The following IFT25 variants were observed in gnomAD, a reference collection of about 807,000 sequenced individuals.
The protein encoded by IFT25 is intraflagellar transport 25.
At chr1:53,937,281 T>G in the IFT25 span, among the ~76,000 whole-genome samples, 1 of 151,966 alleles carries the variant, frequency 6.6e-6, no homozygotes, top group African/African-American at 2.4e-5. Flanking sequence ...CACAACTGAC[T>G]AATTTTTTGG....
the IFT25 span, among the ~76,000 whole-genome samples, chr1:53,936,777 C>T: frequency 2.0e-5 from 3 of 147,218 alleles, no homozygotes; most frequent in African/African-American, 7.7e-5. Context: ...TTTTACTTTG[C>T]TTTTTTTTTT....
the IFT25 span, among the ~76,000 whole-genome samples, chr1:53,922,646 A>G: frequency 6.6e-6 from 1 of 152,226 alleles, no homozygotes; most frequent in East Asian, 1.9e-4. Context: ...CAGTAGCAGG[A>G]ATATGCATAG....
the IFT25 span, chr1:53,917,033 C>T: frequency 9.2e-6 from 2 of 217,882 alleles, no homozygotes; most frequent in Non-Finnish European, 9.0e-6. Context: ...AATCCCAGCT[C>T]CTAGGGAGGC....
chr1:53,936,998 GT>G, the IFT25 span, among the ~76,000 whole-genome samples: 1 of 152,140 alleles, frequency 6.6e-6, no homozygotes, highest in Non-Finnish European at 1.5e-5. Context: ...GGAATGGAGA[GT>G]TTGGAACAGG....
the IFT25 span, chr1:53,928,992 TCTAAACTGGTTTTTCTCCACTGCTCCAG>T: frequency 6.5e-6 from 1 of 153,146 alleles, no homozygotes; most frequent in East Asian, 1.9e-4. Context: ...TCATCTTCCT[TCTAAACTGGTTTTTCTCCACTGCTCCAG>T]TCCAGTCTCT....
the IFT25 span, among the ~76,000 whole-genome samples, chr1:53,943,981 G>T: frequency 8.9e-3 from 1,359 of 152,220 alleles, 23 homozygotes; most frequent in African/African-American, 0.03. Context: ...AGATGAATAG[G>T]AAAGAATGTA....
At chr1:53,940,044 G>A in the IFT25 span, 199 of 1,611,128 alleles carry the variant, frequency 1.2e-4, 2 homozygotes, top group East Asian at 3.6e-3. Context: ...AAATCACTTC[G>A]GACCCTTCAG....
the IFT25 span, among the ~76,000 whole-genome samples, chr1:53,919,388 CT>C: frequency 6.6e-6 from 1 of 152,210 alleles, no homozygotes; most frequent in African/African-American, 2.4e-5. Context: ...GGTTAGCCCC[CT>C]GGAGGACAAG....
the IFT25 span, among the ~76,000 whole-genome samples, chr1:53,937,359 T>G: frequency 6.6e-6 from 1 of 152,198 alleles, no homozygotes; most frequent in Non-Finnish European, 1.5e-5. Flanking sequence ...CCTCAACTGA[T>G]CTGCCCGCCT....
At chr1:53,945,701 A>C in the IFT25 span, 1 of 149,770 alleles carries the variant, frequency 6.7e-6, no homozygotes, top group Non-Finnish European at 1.5e-5. Context: ...TCCAACTCTG[A>C]AATCTTCGCG....
chr1:53,933,197 C>A, the IFT25 span, among the ~76,000 whole-genome samples: 1 of 148,900 alleles, frequency 6.7e-6, no homozygotes, highest in East Asian at 2.0e-4. Flanking sequence ...GCGCAGTGCA[C>A]AATCTTGGCT....
At chr1:53,927,158 T>C in the IFT25 span, among the ~76,000 whole-genome samples, 1 of 152,258 alleles carries the variant, frequency 6.6e-6, no homozygotes, top group Non-Finnish European at 1.5e-5. Flanking sequence ...TCTTCATTAA[T>C]GTCTTGTGAT....
the IFT25 span, chr1:53,916,848 T>C: frequency 2.5e-6 from 1 of 396,914 alleles, no homozygotes. Flanking sequence ...CCATTTAAAA[T>C]TTGCTTTTCC....
At chr1:53,933,469 A>G in the IFT25 span, among the ~76,000 whole-genome samples, 1 of 152,126 alleles carries the variant, frequency 6.6e-6, no homozygotes. Context: ...CTCTAACACT[A>G]TAACGTGTCC....
At chr1:53,942,860 T>C in the IFT25 span, among the ~76,000 whole-genome samples, 5 of 152,248 alleles carry the variant, frequency 3.3e-5, no homozygotes, top group Admixed American at 6.5e-5. Context: ...CAATATGCTA[T>C]GTGCTAACAT....
chr1:53,931,072 A>G, the IFT25 span, among the ~76,000 whole-genome samples: 1 of 152,232 alleles, frequency 6.6e-6, no homozygotes, highest in African/African-American at 2.4e-5. Flanking sequence ...CCGTGACTCC[A>G]GAATTTCCCT....
chr1:53,935,797 T>C, the IFT25 span, among the ~76,000 whole-genome samples: 27 of 152,208 alleles, frequency 1.8e-4, no homozygotes, highest in Admixed American at 2.6e-4. Flanking sequence ...TAACTCAAAA[T>C]TCTGGGTTTT....
At chr1:53,911,851 T>C in the IFT25 span, among the ~76,000 whole-genome samples, 3 of 152,140 alleles carry the variant, frequency 2.0e-5, no homozygotes, top group South Asian at 6.2e-4. Flanking sequence ...GATTCATGAG[T>C]AGAGCACTCA....
the IFT25 span, among the ~76,000 whole-genome samples, chr1:53,944,282 C>G: frequency 6.6e-6 from 1 of 152,116 alleles, no homozygotes; most frequent in Non-Finnish European, 1.5e-5. Flanking sequence ...GGTGGGCGAA[C>G]AGCTTGAGCT....
Sources: allele counts gnomAD v4.1 joint callset (sites outside exome capture counted in the v4.1 genomes callset), GRCh38; gene constraint gnomAD v4.1.1; transcripts MANE v1.5; gene names NCBI Gene and HGNC (gene_info 2026-07-23, HGNC 2026-07-21).